Variants in FAM3C observed in about 807,000 individuals in gnomAD.
The protein encoded by FAM3C is protein FAM3C.
A neutral mutation model predicts 32.5 loss-of-function variants in FAM3C; 15 were observed. That is an observed-to-expected ratio of 0.46 (90% CI 0.31 to 0.71). The LOEUF (loss-of-function observed/expected upper bound fraction) is 0.71, where lower values mean the gene tolerates loss of function less well. FAM3C is among the 30% of genes least tolerant of loss of function. The pLI is 0.05. For synonymous variants in FAM3C, 75 were observed against 86.1 expected, an observed-to-expected ratio of 0.87 and a Z score of 0.72; for missense variants, 175 against 274.4, an observed-to-expected ratio of 0.64 and a Z score of 2.56.
chr7:121,364,018 G>C (rs1186422218), intron 6 of FAM3C, 112 bp downstream of exon 6: 2 of 727,668 alleles, frequency 2.7e-6, no homozygotes, highest in African/African-American at 1.7e-5. Flanking sequence ...GGGACAGAGG[G>C]CTTTATCATC....
At position 121,381,658 on chromosome 7, in the gene FAM3C, A is replaced by C. The variant is rs773053867; in HGVS notation, c.13+1299T>G. On this transcript the variant is annotated intron_variant, in intron 2 of 9. Coordinates refer to ENST00000359943, the MANE Select transcript of FAM3C (RefSeq NM_014888.3). ...GTCCTGCTGTACTCAAAGAACATCCACACACACACACACACACACACACAC... is the reference window on the plus strand; with the variant it reads ...GTCCTGCTGTACTCAAAGAACATCCCCACACACACACACACACACACACAC... 2.6e-3 allele frequency among the ~76,000 whole-genome samples: 334 copies of C among 130,816 alleles called. 1 individual carries two copies. The highest frequency in any genetic ancestry group is 3.5e-3 in the Non-Finnish European group (223 of 63,594). The allele number at this position is 130,816 out of a possible 152,430, so 85.8% of individuals were successfully genotyped here.
intron 8 of FAM3C, among the ~76,000 whole-genome samples, chr7:121,357,905 T>C (rs916054448): frequency 6.6e-6 from 1 of 152,124 alleles, no homozygotes; most frequent in Non-Finnish European, 1.5e-5. Flanking sequence ...CCATCAGGTA[T>C]AACAAAATAA....
intron 5 of FAM3C, among the ~76,000 whole-genome samples, chr7:121,370,606 A>T (rs373661539): frequency 2.0e-5 from 3 of 152,320 alleles, no homozygotes; most frequent in East Asian, 1.9e-4. Flanking sequence ...AACAGTTGAC[A>T]CTGAGGTAGG....
intron 6 of FAM3C, 31 bp from the exon 7 acceptor site, chr7:121,362,978 G>A (rs749081387): frequency 9.4e-7 from 1 of 1,058,576 alleles, no homozygotes; most frequent in Non-Finnish European, 1.5e-6. Context: ...ATCAAATTAT[G>A]CATCTGAAAT....
chr7:121,366,855 A>G (rs1794033500), intron 5 of FAM3C, among the ~76,000 whole-genome samples: 2 of 152,218 alleles, frequency 1.3e-5, no homozygotes, highest in African/African-American at 4.8e-5. Flanking sequence ...TACATTCAAT[A>G]AGTAAACTCC....
chr7:121,392,647 G>A (rs1794600699), intron 1 of FAM3C, among the ~76,000 whole-genome samples: 1 of 152,146 alleles, frequency 6.6e-6, no homozygotes, highest in African/African-American at 2.4e-5. Context: ...TTAACTGCAA[G>A]TAATGAATGA....
intron 8 of FAM3C, among the ~76,000 whole-genome samples, chr7:121,357,857 T>C (rs1481980172): frequency 6.6e-6 from 1 of 152,174 alleles, no homozygotes; most frequent in Non-Finnish European, 1.5e-5. Flanking sequence ...TAATTTATTA[T>C]TAGCATATTA....
At chr7:121,355,135 A>G (rs1288124726) in intron 8 of FAM3C, among the ~76,000 whole-genome samples, 8 of 152,228 alleles carry the variant, frequency 5.3e-5, no homozygotes, top group African/African-American at 1.9e-4. Flanking sequence ...ATATCATCCA[A>G]CCAAAGCATG....
intron 1 of FAM3C, among the ~76,000 whole-genome samples, chr7:121,387,388 A>T (rs78268023): frequency 0.019 from 2,847 of 152,266 alleles, 97 homozygotes; most frequent in African/African-American, 0.065. Context: ...TACGTGTAGG[A>T]CATACAACTT....
chr7:121,356,002 CTGAA>C (rs1406990013), intron 8 of FAM3C, among the ~76,000 whole-genome samples: 3 of 148,846 alleles, frequency 2.0e-5, no homozygotes, highest in Non-Finnish European at 4.4e-5. Context: ...AAATCAAGTT[CTGAA>C]TGAAGAGAAA....
At chr7:121,393,600 G>A (rs555377571) in intron 1 of FAM3C, among the ~76,000 whole-genome samples, 1 of 152,070 alleles carries the variant, frequency 6.6e-6, no homozygotes, top group Admixed American at 6.5e-5. Context: ...CAATCAAATG[G>A]AGCAGGCCAA....
At chr7:121,355,749 TG>T (rs1793795512) in intron 8 of FAM3C, among the ~76,000 whole-genome samples, 1 of 152,214 alleles carries the variant, frequency 6.6e-6, no homozygotes, top group Admixed American at 6.5e-5. Context: ...AAGTAGTTTC[TG>T]CAGCTGATTA....
rs1417078874 is a variant in FAM3C, at chr7:121,350,220, A to G, written c.*241T>C. 1 of 479,432 alleles carries G rather than the reference A, an allele frequency of 2.1e-6. No homozygotes were observed. The allele number at this position is 479,432 out of a possible 1,614,324, so 29.7% of individuals were successfully genotyped here. A position where few individuals can be genotyped will look rare whatever the true frequency, so the allele number is the denominator to read the frequency against. ...AAAATATGTATTACCATAGCAGTCT[A>G]AACATTGTACTTTTAGGGAAATGTG... On this transcript the variant is annotated 3_prime_UTR_variant, in exon 10 of 10. Coordinates refer to ENST00000359943, the MANE Select transcript of FAM3C (RefSeq NM_014888.3).
intron 8 of FAM3C, among the ~76,000 whole-genome samples, chr7:121,355,637 C>A (rs1793792416): frequency 6.6e-6 from 1 of 152,146 alleles, no homozygotes; most frequent in Non-Finnish European, 1.5e-5. Context: ...CCATGAATTT[C>A]AAGTGAGCAT....
chr7:121,368,816 C>T (rs1794078822), intron 5 of FAM3C, among the ~76,000 whole-genome samples: 1 of 151,982 alleles, frequency 6.6e-6, no homozygotes, highest in African/African-American at 2.4e-5. Flanking sequence ...TCCCTCAGAT[C>T]TCAGAATACA....
chr7:121,392,365 C>T lies in FAM3C; in HGVS notation c.-42+3797G>A, dbSNP rs1017135535. Among the ~76,000 whole-genome samples, 24 of 152,250 alleles carry T rather than the reference C, an allele frequency of 1.6e-4. No individual in the cohort carries two copies. In the East Asian group the frequency reaches 3.7e-3, roughly 23 times the overall value. On this transcript the variant is annotated intron_variant, in intron 1 of 9. Transcript: ENST00000359943. ...GCTAAGGGGAAACAGACACCTTTTT[C>T]ACAAGGCAGCAGGAGAGAGAAGAGA...
Position 121,379,034 on chromosome 7 carries a change from C to A in FAM3C, c.14-20G>T. 1 of 1,357,386 alleles carries A rather than the reference C, an allele frequency of 7.4e-7. No homozygotes were observed. Among genetic ancestry groups the A allele is most frequent in the South Asian group, 1.4e-5 (1 of 71,820 alleles). 84.1% of individuals were successfully genotyped at this position (1,357,386 alleles called of 1,614,324 possible). A position where few individuals can be genotyped will look rare whatever the true frequency, so the allele number is the denominator to read the frequency against. On this transcript the variant is annotated intron_variant, in intron 2 of 9. Coordinates refer to ENST00000359943, the MANE Select transcript of FAM3C (RefSeq NM_014888.3). ...CAGCACCTAAAAGGCAGAAGTATTT[C>A]AGCATAACTTTGTAAGCCCACAGAA...
intron 1 of FAM3C, among the ~76,000 whole-genome samples, chr7:121,391,756 C>T (rs957341669): frequency 1.3e-5 from 2 of 152,108 alleles, no homozygotes; most frequent in Non-Finnish European, 2.9e-5. Flanking sequence ...ACCATTTGTA[C>T]CACAAAAACT....
intron 8 of FAM3C, among the ~76,000 whole-genome samples, chr7:121,357,028 C>T (rs1554372033): frequency 2.6e-5 from 4 of 151,980 alleles, no homozygotes; most frequent in Non-Finnish European, 4.4e-5. Context: ...TTGTGAATCC[C>T]GAAAAGGGGC....
Sources: allele counts gnomAD v4.1 joint callset (sites outside exome capture counted in the v4.1 genomes callset), GRCh38; gene constraint gnomAD v4.1.1; transcripts MANE v1.5; gene names NCBI Gene and HGNC (gene_info 2026-07-23, HGNC 2026-07-21).